The following PTPRD variants were observed in gnomAD, a reference collection of about 807,000 sequenced individuals.
PTPRD encodes the protein protein tyrosine phosphatase receptor type D, also known as receptor-type tyrosine-protein phosphatase delta.
A neutral mutation model predicts 214.5 loss-of-function variants in PTPRD; 34 were observed. The observed-to-expected ratio is 0.16, with a 90% confidence interval of 0.12 to 0.21. The LOEUF is 0.21. Among genes scored for constraint, PTPRD ranks in the 10% least tolerant of loss-of-function variants. The probability of loss-of-function intolerance (pLI) is 1.00; values close to 1 mark genes in which losing one functional copy is unlikely to be tolerated. For synonymous variants in PTPRD, 1,128 were observed against 845.7 expected (o/e 1.33, Z -5.79); for missense variants, 2,545 against 2,398.7 (o/e 1.06, Z -1.27).
chr9:9,775,723 C>A (rs1285079919), intron 5 of PTPRD, among the ~76,000 whole-genome samples: 1 of 152,048 alleles, frequency 6.6e-6, no homozygotes, highest in Non-Finnish European at 1.5e-5. Flanking sequence ...GCGGGTGGAT[C>A]ACGAGGTCAG....
intron 11 of PTPRD, among the ~76,000 whole-genome samples, chr9:8,736,461 T>A (rs2090425067): frequency 1.3e-5 from 2 of 152,128 alleles, no homozygotes; most frequent in African/African-American, 4.8e-5. Context: ...TATACAAAAT[T>A]TTTGACAGGA....
At chr9:8,826,452 T>TCA (rs1435859435) in intron 11 of PTPRD, among the ~76,000 whole-genome samples, 1 of 152,100 alleles carries the variant, frequency 6.6e-6, no homozygotes, top group Non-Finnish European at 1.5e-5. Flanking sequence ...CACTTTTGAC[T>TCA]CACCCAGTCC....
At chr9:9,294,926 A>T (rs1952491144) in intron 9 of PTPRD, among the ~76,000 whole-genome samples, 1 of 151,782 alleles carries the variant, frequency 6.6e-6, no homozygotes. Flanking sequence ...CAGATTTGCC[A>T]AAGAAGTTTT....
At chr9:8,775,374 C>T (rs1283356024) in intron 11 of PTPRD, among the ~76,000 whole-genome samples, 2 of 152,076 alleles carry the variant, frequency 1.3e-5, no homozygotes, top group African/African-American at 2.4e-5. Flanking sequence ...CTATAGTCTT[C>T]TTGCTGTGGA....
At chr9:10,193,982 A>G (rs1162010415) in intron 3 of PTPRD, among the ~76,000 whole-genome samples, 1 of 152,118 alleles carries the variant, frequency 6.6e-6, no homozygotes, top group Non-Finnish European at 1.5e-5. Context: ...ACAAAGAACA[A>G]TAAACTGAAA....
chr9:9,409,884 TAAG>T (rs144834760), intron 8 of PTPRD, among the ~76,000 whole-genome samples: 2,558 of 152,228 alleles, frequency 0.017, 64 homozygotes, highest in African/African-American at 0.058. Flanking sequence ...CAGATAACGA[TAAG>T]AAACTTTGGT....
At chr9:8,831,552 TAGAA>T (rs1235349699) in intron 11 of PTPRD, among the ~76,000 whole-genome samples, 4 of 152,132 alleles carry the variant, frequency 2.6e-5, no homozygotes, top group South Asian at 2.1e-4. Flanking sequence ...TCATTTCAAA[TAGAA>T]AGAGAAACAA....
chr9:8,543,676 T>C (rs747531828), intron 14 of PTPRD, among the ~76,000 whole-genome samples: 4 of 152,212 alleles, frequency 2.6e-5, no homozygotes, highest in Non-Finnish European at 5.9e-5. Context: ...TAAAATATAA[T>C]CAAGAATGTT....
In PTPRD at chr9:9,450,046, CT is replaced by C. The variant is rs546587576; in HGVS notation, c.-236-52565del. Among the ~76,000 whole-genome samples the C allele has an allele frequency of 1.1e-4, 16 of 151,910 alleles. No homozygotes were observed. In the South Asian group the frequency reaches 3.3e-3, roughly 32 times the overall value. On this transcript the variant is annotated intron_variant, in intron 8 of 45. Coordinates refer to ENST00000381196, the MANE Select transcript of PTPRD (RefSeq NM_002839.4). The stretch of plus-strand genomic sequence containing the variant: ...ATGGCTTCCAGCTCCAACCAAAGCG[CT>C]GCAAAGGCCATTATTTTGTTCTGTT...
At chr9:8,419,885 A>T (rs1285988402) in intron 35 of PTPRD, among the ~76,000 whole-genome samples, 1 of 152,094 alleles carries the variant, frequency 6.6e-6, no homozygotes, top group Non-Finnish European at 1.5e-5. Flanking sequence ...AAAATCTGAG[A>T]GTCTGAAGGA....
intron 9 of PTPRD, among the ~76,000 whole-genome samples, chr9:9,325,728 T>G (rs1178745609): frequency 2.0e-5 from 3 of 152,176 alleles, no homozygotes; most frequent in Non-Finnish European, 4.4e-5. Flanking sequence ...TCCAACACTA[T>G]GTTGAATAGG....
At chr9:10,391,705 C>T (rs530390777) in intron 2 of PTPRD, among the ~76,000 whole-genome samples, 13 of 151,860 alleles carry the variant, frequency 8.6e-5, no homozygotes, top group Non-Finnish European at 1.0e-4. Context: ...AAAGTTCTGT[C>T]ACCATTTAAC....
chr9:9,759,333 G>C (rs761504132), intron 6 of PTPRD, among the ~76,000 whole-genome samples: 8 of 152,062 alleles, frequency 5.3e-5, no homozygotes, highest in African/African-American at 1.2e-4. Context: ...CCAGCCCCTA[G>C]TGCTCTGGTA....
intron 9 of PTPRD, among the ~76,000 whole-genome samples, chr9:9,244,063 G>C (rs1419281076): frequency 6.6e-6 from 1 of 152,030 alleles, no homozygotes; most frequent in Admixed American, 6.6e-5. Flanking sequence ...AAAATACCTA[G>C]GAATCCAATT....
intron 3 of PTPRD, among the ~76,000 whole-genome samples, chr9:10,281,440 A>C (rs940251719): frequency 2.6e-5 from 4 of 151,986 alleles, no homozygotes; most frequent in African/African-American, 9.7e-5. Context: ...CTTTATGGAA[A>C]TGTCCAAATC....
intron 7 of PTPRD, among the ~76,000 whole-genome samples, chr9:9,615,344 C>T (rs903391537): frequency 1.3e-5 from 2 of 152,282 alleles, no homozygotes; most frequent in South Asian, 4.1e-4. Context: ...TGCTCCTCAC[C>T]TGCTGGCACT....
chr9:10,262,099 T>C (rs564371995), intron 3 of PTPRD, among the ~76,000 whole-genome samples: 2 of 152,108 alleles, frequency 1.3e-5, no homozygotes, highest in Non-Finnish European at 2.9e-5. Context: ...TATTAAACCA[T>C]TTAATTGACA....
intron 3 of PTPRD, among the ~76,000 whole-genome samples, chr9:10,258,940 A>C (rs1313936469): frequency 6.6e-6 from 1 of 152,218 alleles, no homozygotes; most frequent in African/African-American, 2.4e-5. Flanking sequence ...TTAAAACAGT[A>C]TTGTTGAACT....
chr9:10,269,714 G>A (rs941837143), intron 3 of PTPRD, among the ~76,000 whole-genome samples: 2 of 151,174 alleles, frequency 1.3e-5, no homozygotes, highest in African/African-American at 2.4e-5. Context: ...TAACTTACTG[G>A]AACTTTTTAA....
Sources: gnomAD v4.1 joint callset for allele counts (sites outside exome capture counted in the v4.1 genomes callset) on GRCh38, gnomAD v4.1.1 for gene constraint, MANE v1.5 for transcripts, NCBI Gene and HGNC (gene_info 2026-07-23, HGNC 2026-07-21) for gene names.